AHRR: variants seen among roughly 807,000 people sequenced by gnomAD.
The protein encoded by AHRR is ahR repressor.
AHRR carries 28 observed loss-of-function variants against 44.0 expected under a neutral mutation model. That is an observed-to-expected ratio of 0.64 (90% CI 0.47 to 0.87). AHRR has a LOEUF of 0.87. AHRR is among the 40% of genes least tolerant of loss of function. The pLI is 0.00. For synonymous variants in AHRR, 434 were observed against 407.0 expected (o/e 1.07, Z -0.80); for missense variants, 990 against 953.9 (o/e 1.04, Z -0.50).
At chr5:369,267 C>T (rs1399351103) in intron 3 of AHRR, among the ~76,000 whole-genome samples, 1 of 152,200 alleles carries the variant, frequency 6.6e-6, no homozygotes. Flanking sequence ...CCGCTTCTCA[C>T]ACTTCCTCAC....
At chr5:433,382 C>A (rs182019038) in intron 10 of AHRR, among the ~76,000 whole-genome samples, 1 of 152,346 alleles carries the variant, frequency 6.6e-6, no homozygotes, top group East Asian at 1.9e-4. Context: ...CCCCTCCCCA[C>A]TCTCCAGGTC....
chr5:397,471 C>CGTT (rs528602039), intron 4 of AHRR, among the ~76,000 whole-genome samples: 42 of 74,934 alleles, frequency 5.6e-4, no homozygotes, highest in Admixed American at 1.1e-3. Context: ...TGACCATCCA[C>CGTT]ATAGCCCCTG....
Position 395,003 on chromosome 5 carries a change from G to GC in AHRR, c.351+18293dup, listed in dbSNP as rs981676130. On this transcript the variant is annotated intron_variant, in intron 4 of 10. Transcript: ENST00000684583. The surrounding 1 kb of genome is among the most constrained non-coding windows in gnomAD (Gnocchi z 5.3). ...GCCCCGGCCCCAGCCTCCTGCTGTC[G>GC]CCCCCCAGGCAGGGCTGTCTCGAGG... Among the ~76,000 whole-genome samples the GC allele has an allele frequency of 9.9e-5, 15 of 152,146 alleles. No homozygotes were observed. Among genetic ancestry groups the GC allele is most frequent in the African/African-American group, 2.9e-4 (12 of 41,440 alleles).
At chr5:414,284 A>G (rs949195469) in intron 5 of AHRR, among the ~76,000 whole-genome samples, 5 of 152,048 alleles carry the variant, frequency 3.3e-5, no homozygotes, top group Non-Finnish European at 5.9e-5. Flanking sequence ...TAAAAAATAA[A>G]AAAATCCCAC....
At chr5:412,662 T>C (rs990741643) in intron 4 of AHRR, among the ~76,000 whole-genome samples, 1 of 151,974 alleles carries the variant, frequency 6.6e-6, no homozygotes, top group Admixed American at 6.6e-5. Context: ...ACTGTGATTC[T>C]TTCAGCAGAT....
At chr5:372,690 G>T (rs1191943166) in intron 3 of AHRR, among the ~76,000 whole-genome samples, 1 of 152,114 alleles carries the variant, frequency 6.6e-6, no homozygotes. Flanking sequence ...CGCCTCCCCC[G>T]CCCCTACCAG....
chr5:343,764 A>T, intron 1 of AHRR, 129 bp from the exon 2 acceptor site: 1 of 848,764 alleles, frequency 1.2e-6, no homozygotes, highest in Non-Finnish European at 1.8e-6. Flanking sequence ...GAGGAGGAGC[A>T]GGAGGTGGGG....
intron 3 of AHRR, among the ~76,000 whole-genome samples, chr5:362,067 G>A (rs1475530760): frequency 6.6e-6 from 1 of 152,154 alleles, no homozygotes; most frequent in Non-Finnish European, 1.5e-5. Context: ...TGGAGAAGGG[G>A]CCTCTAAGGA....
At chr5:421,065 AAAAGAT>A (rs142482509) in intron 5 of AHRR, 20,725 of 530,340 alleles carry the variant, frequency 0.039, 542 homozygotes, top group Non-Finnish European at 0.053. Flanking sequence ...CGCAGCGACT[AAAAGAT>A]AAAGAGGGAA....
intron 7 of AHRR, among the ~76,000 whole-genome samples, chr5:426,727 ATGGG>A (rs138189352): frequency 0.13 from 18,648 of 148,308 alleles, 1,513 homozygotes; most frequent in Non-Finnish European, 0.19. Flanking sequence ...GGACAGATAG[ATGGG>A]TGGATGGATG....
intron 5 of AHRR, among the ~76,000 whole-genome samples, chr5:416,407 G>A (rs1265282842): frequency 1.3e-5 from 2 of 152,270 alleles, no homozygotes; most frequent in Admixed American, 6.5e-5. Context: ...CCTGGTGCCC[G>A]GCACGGCGTC....
intron 1 of AHRR, chr5:322,778 A>C (rs1381699060): frequency 1.3e-5 from 2 of 152,248 alleles, no homozygotes; most frequent in African/African-American, 4.8e-5. Context: ...AGAGTCGCTG[A>C]AAAGCCACGA....
chr5:362,267 T>C (rs1389327740), intron 3 of AHRR, among the ~76,000 whole-genome samples: 1 of 152,230 alleles, frequency 6.6e-6, no homozygotes, highest in Non-Finnish European at 1.5e-5. Flanking sequence ...CTGAATTTGG[T>C]GGCACCTTGA....
intron 4 of AHRR, among the ~76,000 whole-genome samples, chr5:402,726 C>T (rs1453259303): frequency 2.0e-5 from 3 of 151,780 alleles, no homozygotes; most frequent in Admixed American, 6.5e-5. Context: ...GTCCCCCTGC[C>T]GGGCATTTAC....
At chr5:431,216 C>G (rs987306368) in intron 8 of AHRR, among the ~76,000 whole-genome samples, 1 of 152,044 alleles carries the variant, frequency 6.6e-6, no homozygotes, top group Non-Finnish European at 1.5e-5. Context: ...GGTGTGGGAT[C>G]ACAAGCTCAG....
chr5:387,664 G>A lies in AHRR; in HGVS notation c.351+10948G>A, dbSNP rs1734223824. Among the ~76,000 whole-genome samples, 2 of 152,262 alleles carry A rather than the reference G, an allele frequency of 1.3e-5. No homozygotes were observed. Among genetic ancestry groups the A allele is most frequent in the Non-Finnish European group, 2.9e-5 (2 of 68,050 alleles). On this transcript the variant is annotated intron_variant, in intron 4 of 10. Coordinates refer to ENST00000684583, the MANE Select transcript of AHRR (RefSeq NM_001377236.1). The surrounding 1 kb of genome is among the most constrained non-coding windows in gnomAD (Gnocchi z 5.1). ...TCTTCTGTGGCTTCTGACAGCAGCAGTGGTAATACCGGTAACACATAGTGG... is the reference window on the plus strand; with the variant it reads ...TCTTCTGTGGCTTCTGACAGCAGCAATGGTAATACCGGTAACACATAGTGG...
intron 4 of AHRR, among the ~76,000 whole-genome samples, chr5:392,544 G>A (rs947653262): frequency 3.9e-5 from 6 of 152,184 alleles, no homozygotes; most frequent in East Asian, 1.9e-4. Context: ...GCCTAAAGAC[G>A]GTGTCTGAAG....
intron 4 of AHRR, among the ~76,000 whole-genome samples, chr5:393,471 G>A (rs151164878): frequency 4.6e-5 from 7 of 152,326 alleles, no homozygotes; most frequent in African/African-American, 1.2e-4. Context: ...CTGTGTCTTC[G>A]TGCGTGGACG....
At position 324,577 on chromosome 5, in the gene AHRR, G is replaced by A. The variant is rs34859804; in HGVS notation, c.-11+2758G>A. ...GAGGCGGGTGGATCACCTGAGGTCGGGAGTTCGAGACCAGCCTGACCAACA... is the reference window on the plus strand; with the variant it reads ...GAGGCGGGTGGATCACCTGAGGTCGAGAGTTCGAGACCAGCCTGACCAACA... On this transcript the variant is annotated intron_variant, in intron 1 of 10. Coordinates refer to ENST00000684583, the MANE Select transcript of AHRR (RefSeq NM_001377236.1). 5.9e-3 allele frequency among the ~76,000 whole-genome samples: 888 copies of A among 151,670 alleles called. 6 individuals are homozygous for A. Among genetic ancestry groups the A allele is most frequent in the Non-Finnish European group, 8.1e-3 (550 of 67,808 alleles).
Sources: gnomAD v4.1 joint callset for allele counts (sites outside exome capture counted in the v4.1 genomes callset) on GRCh38, gnomAD v4.1.1 for gene constraint, Gnocchi (gnomAD v3.1) non-coding constraint, MANE v1.5 for transcripts, NCBI Gene and HGNC (gene_info 2026-07-23, HGNC 2026-07-21) for gene names.